The following ARLN variants were observed in gnomAD, a reference collection of about 807,000 sequenced individuals.
ARLN encodes allregulin, also known as sarcoplasmic/endoplasmic reticulum calcium ATPase regulator ARLN.
the ARLN span, chr4:119,296,996 T>TA: frequency 6.6e-6 from 1 of 152,214 alleles, no homozygotes; most frequent in Non-Finnish European, 1.5e-5. Flanking sequence ...TGAGAACTGT[T>TA]AATCACCTCA....
the ARLN span, chr4:119,297,914 A>C: frequency 6.6e-6 from 1 of 152,654 alleles, no homozygotes; most frequent in Admixed American, 6.5e-5. Context: ...CCATGAAGGC[A>C]AGAATGCCTT....
At chr4:119,300,810 G>A in the ARLN span, 26 of 1,440,598 alleles carry the variant, frequency 1.8e-5, no homozygotes, top group South Asian at 3.7e-4. Flanking sequence ...GTCCCAGGCA[G>A]ATAGCTGGTT....
At chr4:119,300,243 A>G in the ARLN span, 3 of 1,037,748 alleles carry the variant, frequency 2.9e-6, no homozygotes, top group Non-Finnish European at 4.3e-6. Context: ...GGACATATAT[A>G]AACTCTCTGG....
the ARLN span, among the ~76,000 whole-genome samples, chr4:119,299,501 C>G: frequency 6.6e-6 from 1 of 152,216 alleles, no homozygotes; most frequent in East Asian, 1.9e-4. Context: ...CATAGGAGCC[C>G]TGTTTCATCT....
chr4:119,297,080 C>T, the ARLN span: 2 of 152,166 alleles, frequency 1.3e-5, no homozygotes, highest in South Asian at 4.1e-4. Context: ...TTAGATGAAA[C>T]CATTAGCAAG....
the ARLN span, chr4:119,300,328 A>G: frequency 6.2e-7 from 1 of 1,603,100 alleles, no homozygotes; most frequent in Non-Finnish European, 8.5e-7. Context: ...TGCATTCGAG[A>G]TACTCACCAT....
chr4:119,300,125 C>T, the ARLN span, among the ~76,000 whole-genome samples: 1 of 151,896 alleles, frequency 6.6e-6, no homozygotes, highest in African/African-American at 2.4e-5. Flanking sequence ...GCCAAGTTTT[C>T]TCCACACTTC....
the ARLN span, chr4:119,304,360 T>G: frequency 7.8e-6 from 12 of 1,537,056 alleles, no homozygotes; most frequent in Non-Finnish European, 9.6e-6. Flanking sequence ...GTTTCCATAG[T>G]TTTTTGCCTT....
At chr4:119,301,305 T>C in the ARLN span, among the ~76,000 whole-genome samples, 149 of 145,556 alleles carry the variant, frequency 1.0e-3, no homozygotes, top group African/African-American at 3.5e-3. Flanking sequence ...GCGCCTGTAA[T>C]CCCAGTTACT....
At chr4:119,301,036 G>T in the ARLN span, 1 of 391,086 alleles carries the variant, frequency 2.6e-6, no homozygotes, top group Admixed American at 4.2e-5. Context: ...CAATGAGGTG[G>T]ACGTCCTACT....
the ARLN span, chr4:119,304,149 A>C: frequency 1.5e-5 from 11 of 757,670 alleles, no homozygotes; most frequent in Middle Eastern, 3.8e-4. Flanking sequence ...TCCAAATCCT[A>C]CTCATCCTTC....
chr4:119,304,425 G>A, the ARLN span: 1 of 1,534,610 alleles, frequency 6.5e-7, no homozygotes, highest in Non-Finnish European at 8.7e-7. Context: ...TATTAATGGG[G>A]CTATTTATTA....
the ARLN span, among the ~76,000 whole-genome samples, chr4:119,301,416 G>A: frequency 1.3e-5 from 2 of 151,974 alleles, no homozygotes; most frequent in Non-Finnish European, 2.9e-5. Context: ...AACAGAGCGA[G>A]ACTCCATCTG....
the ARLN span, chr4:119,300,521 T>G: frequency 1.9e-6 from 3 of 1,614,140 alleles, no homozygotes; most frequent in South Asian, 2.2e-5. Context: ...CAACACCCGG[T>G]GCGTCCACCT....
At chr4:119,300,804 C>A in the ARLN span, 1 of 1,442,812 alleles carries the variant, frequency 6.9e-7, no homozygotes, top group Admixed American at 2.8e-5. Flanking sequence ...CGCGGCGTCC[C>A]AGGCAGATAG....
At chr4:119,300,877 C>T in the ARLN span, 14 of 1,322,012 alleles carry the variant, frequency 1.1e-5, no homozygotes, top group African/African-American at 1.5e-5. Flanking sequence ...CCAGTCCAGT[C>T]AGGTGATGGA....
At chr4:119,301,123 G>A in the ARLN span, among the ~76,000 whole-genome samples, 1 of 150,600 alleles carries the variant, frequency 6.6e-6, no homozygotes, top group African/African-American at 2.4e-5. Flanking sequence ...GTGGGTTTAA[G>A]AATAACCTGG....
the ARLN span, among the ~76,000 whole-genome samples, chr4:119,301,254 A>T: frequency 6.6e-6 from 1 of 151,516 alleles, no homozygotes; most frequent in Admixed American, 6.6e-5. Flanking sequence ...AAAAAAAAAA[A>T]AAAAAAAAAA....
the ARLN span, among the ~76,000 whole-genome samples, chr4:119,303,925 C>T: frequency 1.9e-4 from 29 of 152,274 alleles, no homozygotes; most frequent in East Asian, 3.7e-3. Context: ...AACTAGGTTG[C>T]AGCTTCTCTT....
Sources: gnomAD v4.1 joint callset for allele counts (sites outside exome capture counted in the v4.1 genomes callset) on GRCh38, gnomAD v4.1.1 for gene constraint, MANE v1.5 for transcripts, NCBI Gene and HGNC (gene_info 2026-07-23, HGNC 2026-07-21) for gene names.